The following CDH18 variants were observed in gnomAD, a reference collection of about 807,000 sequenced individuals.
CDH18 encodes cadherin-18.
Under a neutral mutation model 67.9 loss-of-function variants are expected in CDH18, and 31 were observed. That is an observed-to-expected ratio of 0.46 (90% confidence interval 0.34 to 0.62). CDH18 has a LOEUF of 0.62. CDH18 is among the 20% of genes least tolerant of loss of function. The pLI, the probability that CDH18 is intolerant of heterozygous loss-of-function variation, is 0.01. For synonymous variants in CDH18, 362 were observed against 347.2 expected, an observed-to-expected ratio of 1.04 and a Z score of -0.48; for missense variants, 890 against 975.5, an observed-to-expected ratio of 0.91 and a Z score of 1.17.
At chr5:19,817,724 A>T (rs934748950) in intron 3 of CDH18, among the ~76,000 whole-genome samples, 13 of 152,172 alleles carry the variant, frequency 8.5e-5, no homozygotes, top group Non-Finnish European at 1.8e-4. Flanking sequence ...AAGATACAAT[A>T]ATTCCAGAAC....
intron 1 of CDH18, among the ~76,000 whole-genome samples, chr5:20,276,717 G>A (rs1376649707): frequency 6.6e-6 from 1 of 152,148 alleles, no homozygotes; most frequent in Non-Finnish European, 1.5e-5. Context: ...GGCTGTTAGG[G>A]TCCTGGATTC....
At chr5:20,282,483 T>G (rs955082349) in intron 1 of CDH18, among the ~76,000 whole-genome samples, 1 of 152,182 alleles carries the variant, frequency 6.6e-6, no homozygotes, top group Non-Finnish European at 1.5e-5. Flanking sequence ...ATATGGTTTT[T>G]CTCGTTGGTT....
intron 2 of CDH18, among the ~76,000 whole-genome samples, chr5:19,904,708 T>G (rs1790348265): frequency 6.6e-6 from 1 of 152,232 alleles, no homozygotes; most frequent in Non-Finnish European, 1.5e-5. Flanking sequence ...GGATTTATGA[T>G]TTGAAGTACC....
chr5:19,951,146 GA>G (rs1451853139), intron 2 of CDH18, among the ~76,000 whole-genome samples: 2 of 152,112 alleles, frequency 1.3e-5, no homozygotes, highest in African/African-American at 4.8e-5. Context: ...AGAAATCCAA[GA>G]CTCAATGGAA....
intron 2 of CDH18, among the ~76,000 whole-genome samples, chr5:20,035,107 C>T (rs1019862049): frequency 6.6e-6 from 1 of 151,916 alleles, no homozygotes; most frequent in Non-Finnish European, 1.5e-5. Flanking sequence ...CATCCTGGGT[C>T]CTCCAGCAAT....
At chr5:19,706,450 T>G (rs1763973328) in intron 5 of CDH18, among the ~76,000 whole-genome samples, 1 of 152,232 alleles carries the variant, frequency 6.6e-6, no homozygotes, top group Non-Finnish European at 1.5e-5. Context: ...TGCCACATGG[T>G]GCATTCCTCA....
intron 8 of CDH18, among the ~76,000 whole-genome samples, chr5:19,563,447 T>C (rs1490388955): frequency 6.6e-6 from 1 of 152,198 alleles, no homozygotes; most frequent in Non-Finnish European, 1.5e-5. Context: ...AATTTAACAG[T>C]CATGTGTCAT....
intron 1 of CDH18, among the ~76,000 whole-genome samples, chr5:20,503,079 C>T (rs2254469): frequency 0.47 from 71,185 of 151,770 alleles, 16,951 homozygotes; most frequent in East Asian, 0.56. Flanking sequence ...TGCAAATAGA[C>T]AGGTTTTTTA....
chr5:20,539,037 T>G (rs1756902237), intron 1 of CDH18, among the ~76,000 whole-genome samples: 1 of 150,334 alleles, frequency 6.7e-6, no homozygotes, highest in African/African-American at 2.4e-5. Flanking sequence ...TACAGGCACC[T>G]GCCACCACGT....
At chr5:19,485,541 C>T (rs921393785) in intron 11 of CDH18, among the ~76,000 whole-genome samples, 2 of 152,150 alleles carry the variant, frequency 1.3e-5, no homozygotes, top group African/African-American at 4.8e-5. Flanking sequence ...AGGCGTGAGC[C>T]ACTGCGCCTG....
chr5:19,719,508 G>A (rs61087700), intron 5 of CDH18, among the ~76,000 whole-genome samples: 10 of 151,862 alleles, frequency 6.6e-5, no homozygotes, highest in African/African-American at 1.4e-4. Context: ...AAAGAATGGC[G>A]AGCTTTTCAA....
chr5:20,136,958 G>T (rs1749780876), intron 2 of CDH18, among the ~76,000 whole-genome samples: 1 of 152,242 alleles, frequency 6.6e-6, no homozygotes, highest in Admixed American at 6.5e-5. Flanking sequence ...CAAGAGATCT[G>T]CTGTTAGTCT....
chr5:20,015,780 C>A (rs1737826323), intron 2 of CDH18, among the ~76,000 whole-genome samples: 1 of 152,038 alleles, frequency 6.6e-6, no homozygotes, highest in African/African-American at 2.4e-5. Context: ...ACAGAAATGG[C>A]AGACCATTTG....
At chr5:19,836,353 C>T (rs555034752) in intron 3 of CDH18, among the ~76,000 whole-genome samples, 11 of 152,128 alleles carry the variant, frequency 7.2e-5, no homozygotes, top group African/African-American at 1.9e-4. Context: ...TTTTAATGAC[C>T]GCCATTCTAC....
chr5:20,331,456 A>G (rs1389310155), intron 1 of CDH18: 1 of 152,202 alleles, frequency 6.6e-6, no homozygotes, highest in Non-Finnish European at 1.5e-5. Flanking sequence ...ATGATCACTG[A>G]ATGACCGTTT....
chr5:19,597,677 T>A (rs1438851204), intron 6 of CDH18, among the ~76,000 whole-genome samples: 1 of 152,194 alleles, frequency 6.6e-6, no homozygotes, highest in Non-Finnish European at 1.5e-5. Context: ...TTGGTGTATT[T>A]GCTTCAGTTC....
At chr5:20,341,895 C>T (rs1032328265) in intron 1 of CDH18, among the ~76,000 whole-genome samples, 1 of 151,982 alleles carries the variant, frequency 6.6e-6, no homozygotes, top group African/African-American at 2.4e-5. Flanking sequence ...ACACATAATA[C>T]CTTTGATCAT....
intron 8 of CDH18, among the ~76,000 whole-genome samples, chr5:19,565,299 G>A (rs1740176222): frequency 6.6e-6 from 1 of 152,170 alleles, no homozygotes; most frequent in African/African-American, 2.4e-5. Flanking sequence ...GGTGGCTACA[G>A]TGATGCTTAT....
intron 12 of CDH18, chr5:19,478,473 T>G (rs951818597): frequency 6.6e-6 from 1 of 152,094 alleles, no homozygotes; most frequent in South Asian, 2.1e-4. Context: ...ACAAAACCAT[T>G]TGAAATAGCT....
Sources: gnomAD v4.1 joint callset for allele counts (sites outside exome capture counted in the v4.1 genomes callset) on GRCh38, gnomAD v4.1.1 for gene constraint, MANE v1.5 for transcripts, NCBI Gene and HGNC (gene_info 2026-07-23, HGNC 2026-07-21) for gene names.